Variants in TRPC4AP observed in about 807,000 individuals in gnomAD.
TRPC4AP encodes the protein transient receptor potential cation channel subfamily C member 4 associated protein, also known as short transient receptor potential channel 4-associated protein.
TRPC4AP carries 45 observed loss-of-function variants against 99.0 expected under a neutral mutation model. The ratio of observed to expected loss-of-function variants is 0.45; its 90% confidence interval spans 0.36 to 0.58. The LOEUF (loss-of-function observed/expected upper bound fraction) is 0.58. TRPC4AP is among the 20% of genes least tolerant of loss of function. The pLI is 0.00. For missense variants in TRPC4AP, 879 were observed against 985.3 expected, an observed-to-expected ratio of 0.89 and a Z score of 1.44; for synonymous variants, 408 against 385.8, an observed-to-expected ratio of 1.06 and a Z score of -0.67.
intron 1 of TRPC4AP, among the ~76,000 whole-genome samples, chr20:35,084,730 G>GTATATGTATATATGTTTATATGCATA (rs1569155489): frequency 0.064 from 8,039 of 124,918 alleles, 327 homozygotes; most frequent in Middle Eastern, 0.11. Flanking sequence ...GCATATATGT[G>GTATATGTATATATGTTTATATGCATA]TATATGTATA....
At chr20:35,071,139 G>A (rs1299398562) in intron 2 of TRPC4AP, among the ~76,000 whole-genome samples, 1 of 152,074 alleles carries the variant, frequency 6.6e-6, no homozygotes, top group Non-Finnish European at 1.5e-5. Context: ...TAAACGTAAA[G>A]ACTAAGTTTA....
chr20:35,088,369 C>T (rs2084945646), intron 1 of TRPC4AP, among the ~76,000 whole-genome samples: 1 of 152,188 alleles, frequency 6.6e-6, no homozygotes. Flanking sequence ...CTCTTTAAAG[C>T]CATGAGATTG....
intron 7 of TRPC4AP, among the ~76,000 whole-genome samples, chr20:35,037,255 G>A (rs2083339338): frequency 6.6e-6 from 1 of 151,010 alleles, no homozygotes; most frequent in Admixed American, 6.6e-5. Context: ...GCTAAGGCAG[G>A]AGAATGGCGT....
chr20:35,028,029 T>C (rs1163725301), intron 8 of TRPC4AP, among the ~76,000 whole-genome samples: 1 of 152,182 alleles, frequency 6.6e-6, no homozygotes, highest in Non-Finnish European at 1.5e-5. Flanking sequence ...TCTAATCCTA[T>C]TACTTCCTTT....
At chr20:35,007,467 C>T in intron 14 of TRPC4AP, 83 bp downstream of exon 14, 1 of 1,384,096 alleles carries the variant, frequency 7.2e-7, no homozygotes, top group Non-Finnish European at 1.0e-6. Context: ...TCCTGATGAA[C>T]TGTTTGGGGC....
At chr20:35,044,755 T>A in intron 6 of TRPC4AP, 43 bp from the exon 7 acceptor site, 1 of 1,592,580 alleles carries the variant, frequency 6.3e-7, no homozygotes, top group Non-Finnish European at 8.6e-7. Flanking sequence ...CTCAATTCAC[T>A]CAAGAGATTG....
At chr20:35,016,263 C>G in intron 9 of TRPC4AP, 124 bp from the exon 10 acceptor site, 1 of 1,178,518 alleles carries the variant, frequency 8.5e-7, no homozygotes, top group Non-Finnish European at 1.2e-6. Context: ...GTAAGGAGGG[C>G]CAGGGTCTGA....
At chr20:35,043,062 C>T (rs2083476022) in intron 7 of TRPC4AP, among the ~76,000 whole-genome samples, 1 of 151,934 alleles carries the variant, frequency 6.6e-6, no homozygotes, top group African/African-American at 2.4e-5. Context: ...ACACACTGTT[C>T]TGTATTTTCC....
At chr20:35,033,591 T>C (rs1218263939) in intron 8 of TRPC4AP, among the ~76,000 whole-genome samples, 1 of 152,184 alleles carries the variant, frequency 6.6e-6, no homozygotes, top group African/African-American at 2.4e-5. Context: ...GGGGTAATTT[T>C]TGAAATTGAG....
chr20:35,084,268 CAA>C (rs1267967667), intron 1 of TRPC4AP, among the ~76,000 whole-genome samples: 5 of 131,286 alleles, frequency 3.8e-5, no homozygotes, highest in Admixed American at 7.8e-5. Context: ...GACTCCGTCC[CAA>C]AAAAAAAAAA....
At chr20:35,086,881 A>C (rs987183548) in intron 1 of TRPC4AP, among the ~76,000 whole-genome samples, 8 of 151,868 alleles carry the variant, frequency 5.3e-5, no homozygotes, top group African/African-American at 1.9e-4. Flanking sequence ...AAAAATACAA[A>C]AAGTAGCCGG....
chr20:35,079,935 T>A (rs1235443511), intron 1 of TRPC4AP, among the ~76,000 whole-genome samples: 1 of 145,934 alleles, frequency 6.9e-6, no homozygotes, highest in East Asian at 2.0e-4. Flanking sequence ...GGTGAGAAGA[T>A]CACTTGAGCT....
At position 35,069,297 on chromosome 20, in the gene TRPC4AP, T is replaced by C; in HGVS notation, c.413A>G (p.Asp138Gly). The C allele has an allele frequency of 6.4e-7, 1 of 1,566,612 alleles. No homozygotes were observed. The highest frequency in any genetic ancestry group is 1.1e-5 in the South Asian group (1 of 88,984). Reference protein sequence around the residue: ...TYIFDLFGGVDLLVEILMRPT... With the variant: ...TYIFDLFGGVGLLVEILMRPT... ...TAGTAATAATAAATAGCTACTTACA[T>C]CAACACCTCCAAACAAGTCAAAAAT... The change falls in exon 3 of 19, where the codon GAT (aspartate) becomes GGT (glycine). Residue 138 changes from aspartate to glycine, a missense_variant and splice_region_variant. This residue lies in a region of TRPC4AP where 603 missense variants were observed against 631.8 expected (regional missense o/e 0.95). Transcript: ENST00000252015.
At position 35,085,756 on chromosome 20, in the gene TRPC4AP, A is replaced by T. The variant is rs957334466; in HGVS notation, c.168+6858T>A. ...TCTCTTGAAGTACTTGTGGTTTAAC[A>T]GTTTACAGCAGTGATAATCTCTTAC... On this transcript the variant is annotated intron_variant, in intron 1 of 18. Coordinates refer to ENST00000252015, the MANE Select transcript of TRPC4AP (RefSeq NM_015638.3). Among the ~76,000 whole-genome samples, 3 of 152,178 alleles carry T rather than the reference A, an allele frequency of 2.0e-5. No homozygotes were observed. The South Asian group carries it at 6.2e-4, about 31-fold the overall frequency.
intron 8 of TRPC4AP, among the ~76,000 whole-genome samples, chr20:35,025,388 T>G (rs1302998167): frequency 2.0e-5 from 3 of 152,138 alleles, no homozygotes; most frequent in Non-Finnish European, 4.4e-5. Flanking sequence ...GGTCTTGCTC[T>G]GTTGTTTGAG....
At chr20:35,015,933 G>C (rs1569087206) in intron 10 of TRPC4AP, 75 bp downstream of exon 10, 4 of 1,582,358 alleles carry the variant, frequency 2.5e-6, no homozygotes, top group Non-Finnish European at 3.5e-6. Context: ...AAAGGTCAAA[G>C]GGTCAGCAGC....
At chr20:35,048,704 G>A (rs2083618930) in intron 6 of TRPC4AP, among the ~76,000 whole-genome samples, 1 of 152,332 alleles carries the variant, frequency 6.6e-6, no homozygotes, top group East Asian at 1.9e-4. Context: ...AAAAAGGAAT[G>A]AGAGGGAGTG....
intron 2 of TRPC4AP, among the ~76,000 whole-genome samples, chr20:35,072,477 T>C (rs2084346211): frequency 6.6e-6 from 1 of 152,196 alleles, no homozygotes; most frequent in African/African-American, 2.4e-5. Context: ...AAGGAAAGGA[T>C]CCAGTTTCAG....
intron 1 of TRPC4AP, among the ~76,000 whole-genome samples, chr20:35,090,572 C>T (rs1455960570): frequency 2.0e-5 from 3 of 152,050 alleles, no homozygotes; most frequent in Admixed American, 2.0e-4. Flanking sequence ...CGGGGCTTCG[C>T]CATGTTGGCC....
Sources: allele counts gnomAD v4.1 joint callset (sites outside exome capture counted in the v4.1 genomes callset), GRCh38; gene constraint gnomAD v4.1.1; regional missense constraint gnomAD v4.1.1; transcripts MANE v1.5; gene names NCBI Gene and HGNC (gene_info 2026-07-23, HGNC 2026-07-21).